The following RASA2 variants were observed in gnomAD, a reference collection of about 807,000 sequenced individuals.
RASA2 encodes the protein RAS p21 protein activator 2, also known as ras GTPase-activating protein 2.
Under a neutral mutation model 118.2 loss-of-function variants are expected in RASA2, and 155 were observed. The observed-to-expected ratio is 1.31, with a 90% CI of 1.15 to 1.50. The LOEUF is 1.50. RASA2 is among the 40% of genes most tolerant of loss of function. RASA2 has a pLI of 0.00. For missense variants in RASA2, 1,016 were observed against 1,009.6 expected (o/e 1.01, Z -0.09); for synonymous variants, 353 against 349.1 (o/e 1.01, Z -0.12).
At chr3:141,585,975 T>A (rs765636344) in intron 17 of RASA2, 50 bp from the exon 18 acceptor site, 1 of 1,447,068 alleles carries the variant, frequency 6.9e-7, no homozygotes, top group East Asian at 2.3e-5. Context: ...CTGAATTTTT[T>A]ATAATGTACC....
At position 141,573,223 on chromosome 3, in the gene RASA2, T is replaced by C; in HGVS notation, c.1359+2T>C. ...GGAGATAATGTAGAAAATAATAAGG[T>C]AAGTCCTTGTTATATTATTTATAAT... On this transcript the variant is annotated splice_donor_variant, in intron 13 of 23. Transcript: ENST00000286364. LOFTEE classifies it high-confidence loss of function. 1 of 1,540,456 alleles carries C rather than the reference T, an allele frequency of 6.5e-7. No individual in the cohort carries two copies. The highest frequency in any genetic ancestry group is 8.7e-7 in the Non-Finnish European group (1 of 1,153,526).
At chr3:141,487,681 C>T (rs2151063566) in intron 1 of RASA2, among the ~76,000 whole-genome samples, 1 of 150,866 alleles carries the variant, frequency 6.6e-6, no homozygotes, top group South Asian at 2.1e-4. Context: ...GAGGAGGTGG[C>T]GGGCTGGGAA....
chr3:141,508,035 A>G (rs978974347), intron 1 of RASA2, among the ~76,000 whole-genome samples: 4 of 152,156 alleles, frequency 2.6e-5, no homozygotes, highest in East Asian at 1.9e-4. Flanking sequence ...GCTATAGATA[A>G]GTTGAGAAAG....
At chr3:141,612,165 C>A in intron 23 of RASA2, 118 bp from the exon 24 acceptor site, 1 of 757,854 alleles carries the variant, frequency 1.3e-6, no homozygotes, top group Non-Finnish European at 2.2e-6. Context: ...AATGAAACAA[C>A]ATTTGGCATG....
chr3:141,515,342 G>A (rs1163193800), intron 2 of RASA2, among the ~76,000 whole-genome samples: 2 of 152,044 alleles, frequency 1.3e-5, no homozygotes, highest in African/African-American at 4.8e-5. Flanking sequence ...ACATTTCTAA[G>A]ACAAGGATGG....
chr3:141,611,066 G>T (rs943380752), intron 23 of RASA2, among the ~76,000 whole-genome samples: 37 of 152,308 alleles, frequency 2.4e-4, no homozygotes, highest in Middle Eastern at 6.8e-3. Context: ...TGTGCTTATA[G>T]TACTTTACAG....
At chr3:141,510,391 TTTTTAGGTTATTTAATA>T (rs1371364245) in intron 1 of RASA2, among the ~76,000 whole-genome samples, 137 of 152,284 alleles carry the variant, frequency 9.0e-4, no homozygotes, top group Non-Finnish European at 1.3e-3. Flanking sequence ...AAAACTAGAC[TTTTTAGGTTATTTAATA>T]TTCCTTCAAC....
intron 1 of RASA2, among the ~76,000 whole-genome samples, chr3:141,508,534 C>T (rs760833583): frequency 1.3e-5 from 2 of 152,000 alleles, no homozygotes; most frequent in African/African-American, 4.8e-5. Context: ...TGCACCACCA[C>T]GCCTGGCTAA....
At chr3:141,532,084 GC>G (rs1031257685) in intron 4 of RASA2, among the ~76,000 whole-genome samples, 6 of 152,058 alleles carry the variant, frequency 3.9e-5, no homozygotes, top group Admixed American at 2.0e-4. Context: ...TGTATCCTAA[GC>G]ACAGTACTAA....
chr3:141,610,478 A>ATATATATATATATATATAT (rs1559799834), intron 23 of RASA2, among the ~76,000 whole-genome samples: 1 of 100,000 alleles, frequency 1.0e-5, no homozygotes, highest in African/African-American at 5.4e-5. Flanking sequence ...TATATATATA[A>ATATATATATATATATATAT]ATATATATAT....
intron 2 of RASA2, among the ~76,000 whole-genome samples, chr3:141,512,933 G>C (rs2081972073): frequency 6.6e-6 from 1 of 151,872 alleles, no homozygotes; most frequent in African/African-American, 2.4e-5. Context: ...CGTGGTGCTG[G>C]GTGTCTGTAA....
chr3:141,521,067 T>C (rs980978606), intron 3 of RASA2, among the ~76,000 whole-genome samples: 3 of 152,186 alleles, frequency 2.0e-5, no homozygotes, highest in Non-Finnish European at 4.4e-5. Flanking sequence ...GAGGATGACT[T>C]TGGTTTCAAA....
chr3:141,489,474 C>T (rs2081615133), intron 1 of RASA2, among the ~76,000 whole-genome samples: 1 of 152,124 alleles, frequency 6.6e-6, no homozygotes, highest in African/African-American at 2.4e-5. Flanking sequence ...TATTAAGCAG[C>T]TTGGGGAGGG....
In RASA2 at chr3:141,607,755, A is replaced by C. The variant is rs1440932970; in HGVS notation, c.2011A>C (p.Lys671Gln). 2 of 1,587,148 alleles carry C rather than the reference A, an allele frequency of 1.3e-6. No homozygotes were observed. Among genetic ancestry groups the C allele is most frequent in the East Asian group, 2.3e-5 (1 of 43,808 alleles). ...ACTGGAAGAGAGCTCTTTCAACAAG[A>C]AAAATGTAAGTTATGTAAATAAATA... Reference protein sequence around the residue: ...EKLEESSFNKKNMFQVIHTEK... With the variant: ...EKLEESSFNKQNMFQVIHTEK... Residue 671 changes from lysine (K) to glutamine (Q), a missense_variant, in exon 20 of 24, where the codon AAA becomes CAA. Lys to Gln is a moderately conservative substitution (Grantham distance 53, BLOSUM62 1). This residue lies in a region of RASA2 where 896 missense variants were observed against 836.4 expected (regional missense o/e 1.07). Transcript: ENST00000286364.
At chr3:141,610,343 ATATATT>A (rs1206578931) in intron 23 of RASA2, among the ~76,000 whole-genome samples, 7 of 127,896 alleles carry the variant, frequency 5.5e-5, no homozygotes, top group Admixed American at 9.3e-5. Flanking sequence ...TATATTTTAT[ATATATT>A]TATATTTATA....
At chr3:141,571,972 G>A (rs2082927777) in intron 11 of RASA2, among the ~76,000 whole-genome samples, 1 of 148,182 alleles carries the variant, frequency 6.7e-6, no homozygotes, top group African/African-American at 2.5e-5. Flanking sequence ...TACACACAGA[G>A]ACATACATAT....
chr3:141,520,647 C>CATAT (rs35556356), intron 3 of RASA2, among the ~76,000 whole-genome samples: 3 of 151,500 alleles, frequency 2.0e-5, no homozygotes, highest in Admixed American at 6.6e-5. Flanking sequence ...GTTACATACA[C>CATAT]ATATATATAT....
At position 141,545,461 on chromosome 3, in the gene RASA2, C is replaced by CTTTT. The variant is rs35655653; in HGVS notation, c.527+4870_527+4873dup. ...AGAGAGAGTGGGGAGGTACTACATA[C>CTTTT]TTTTTTTTTTTTTTTTTTTTTGAGA... On this transcript the variant is annotated intron_variant, in intron 5 of 23. Transcript: ENST00000286364. Among the ~76,000 whole-genome samples the CTTTT allele has an allele frequency of 9.8e-4, 111 of 113,188 alleles. 1 individual carries two copies. Among genetic ancestry groups the CTTTT allele is most frequent in the African/African-American group, 3.5e-3 (102 of 29,138 alleles). 74.3% of individuals were successfully genotyped at this position (113,188 alleles called of 152,430 possible).
chr3:141,568,166 T>C (rs1341859911), intron 9 of RASA2, among the ~76,000 whole-genome samples: 1 of 152,134 alleles, frequency 6.6e-6, no homozygotes, highest in South Asian at 2.1e-4. Context: ...CTTAAAGAAC[T>C]CGAGTCCATT....
Sources: allele counts gnomAD v4.1 joint callset (sites outside exome capture counted in the v4.1 genomes callset), GRCh38; gene constraint gnomAD v4.1.1; regional missense constraint gnomAD v4.1.1; transcripts MANE v1.5; gene names NCBI Gene and HGNC (gene_info 2026-07-23, HGNC 2026-07-21).